The following CSMD3 variants were observed in gnomAD, a reference collection of about 807,000 sequenced individuals.
The protein encoded by CSMD3 is CUB and sushi domain-containing protein 3.
CSMD3 carries 177 observed loss-of-function variants against 435.2 expected under a neutral mutation model. The ratio of observed to expected loss-of-function variants is 0.41; its 90% confidence interval spans 0.36 to 0.46. The LOEUF is 0.46. Ranked by LOEUF, CSMD3 falls within the 20% of genes least tolerant of loss-of-function variation. The probability of loss-of-function intolerance (pLI) is 0.34; values close to 1 mark genes in which losing one functional copy is unlikely to be tolerated. For synonymous variants in CSMD3, 1,656 were observed against 1,520.5 expected (o/e 1.09, Z -2.07); for missense variants, 4,265 against 4,504.6 (o/e 0.95, Z 1.52).
intron 6 of CSMD3, among the ~76,000 whole-genome samples, chr8:112,996,870 AAT>A (rs1456613954): frequency 1.3e-5 from 2 of 151,664 alleles, no homozygotes; most frequent in African/African-American, 4.8e-5. Flanking sequence ...AAAATAGTAT[AAT>A]AAATAATAGT....
In CSMD3 at chr8:113,183,384, G is replaced by A. The variant is rs150980650; in HGVS notation, c.515-9468C>T. ...TAGGAATTAATTTATTTGATTCCAG[G>A]TTTTTTTTGGTGCCAAGGAACACTC... On this transcript the variant is annotated intron_variant, in intron 3 of 70. Coordinates refer to ENST00000297405, the MANE Select transcript of CSMD3 (RefSeq NM_198123.2). 2.5e-3 allele frequency among the ~76,000 whole-genome samples: 385 copies of A among 151,642 alleles called. 1 individual carries two copies. Among genetic ancestry groups the A allele is most frequent in the Non-Finnish European group, 4.4e-3 (299 of 67,860 alleles).
In CSMD3 at chr8:112,628,036, T is replaced by TA. The variant is rs1834634188; in HGVS notation, c.3715+8780dup. On this transcript the variant is annotated intron_variant, in intron 22 of 70. Coordinates refer to ENST00000297405, the MANE Select transcript of CSMD3 (RefSeq NM_198123.2). ...TGGCTGCGTTCTAAAAGGATGTCTG[T>TA]AAATTTGTTTGTCTACAAATCCCAA... Among the ~76,000 whole-genome samples the TA allele has an allele frequency of 2.0e-5, 3 of 152,320 alleles. No homozygotes were observed. In the South Asian group the frequency reaches 6.2e-4, roughly 32 times the overall value.
chr8:112,981,940 G>T (rs1185896033), intron 6 of CSMD3, among the ~76,000 whole-genome samples: 1 of 151,748 alleles, frequency 6.6e-6, no homozygotes, highest in Non-Finnish European at 1.5e-5. Flanking sequence ...TTTACCCTAA[G>T]AAGGAGAATG....
chr8:113,341,224 G>C (rs769085238), intron 1 of CSMD3, among the ~76,000 whole-genome samples: 4 of 151,980 alleles, frequency 2.6e-5, no homozygotes, highest in Non-Finnish European at 5.9e-5. Flanking sequence ...TGTATTCAAA[G>C]CCTCTCGTAG....
intron 1 of CSMD3, among the ~76,000 whole-genome samples, chr8:113,402,196 A>C (rs1171523655): frequency 1.3e-5 from 2 of 150,120 alleles, no homozygotes; most frequent in African/African-American, 4.9e-5. Context: ...TTTATCTTTT[A>C]TCTTAAATTT....
chr8:112,529,411 A>T, intron 27 of CSMD3, among the ~76,000 whole-genome samples: 1 of 152,104 alleles, frequency 6.6e-6, no homozygotes. Context: ...ATCATGGCAA[A>T]ACCACAACCC....
chr8:113,008,131 A>G (rs187214218), intron 6 of CSMD3, among the ~76,000 whole-genome samples: 1 of 151,968 alleles, frequency 6.6e-6, no homozygotes, highest in East Asian at 1.9e-4. Flanking sequence ...TTTTTAAATT[A>G]TTAACAGTCA....
At chr8:112,475,791 T>C (rs1475930940) in intron 31 of CSMD3, among the ~76,000 whole-genome samples, 2 of 152,164 alleles carry the variant, frequency 1.3e-5, no homozygotes, top group Non-Finnish European at 2.9e-5. Context: ...TCTTATTGGC[T>C]AATGGAGAAA....
At chr8:113,373,885 T>C (rs1280086766) in intron 1 of CSMD3, among the ~76,000 whole-genome samples, 6 of 152,146 alleles carry the variant, frequency 3.9e-5, no homozygotes, top group Non-Finnish European at 1.5e-5. Flanking sequence ...ATATTCTTTA[T>C]ATCTCAATTT....
At chr8:113,182,123 T>C (rs2092429812) in intron 3 of CSMD3, among the ~76,000 whole-genome samples, 1 of 152,006 alleles carries the variant, frequency 6.6e-6, no homozygotes, top group Non-Finnish European at 1.5e-5. Context: ...TGTTGAAACA[T>C]AACTCAAGTT....
At chr8:112,941,831 G>A (rs183650233) in intron 9 of CSMD3, among the ~76,000 whole-genome samples, 1 of 151,436 alleles carries the variant, frequency 6.6e-6, no homozygotes, top group Admixed American at 6.6e-5. Flanking sequence ...TAATCACAGA[G>A]AGTACAGAGG....
chr8:112,826,955 T>C (rs1332749292), intron 12 of CSMD3, among the ~76,000 whole-genome samples: 1 of 151,778 alleles, frequency 6.6e-6, no homozygotes, highest in Admixed American at 6.6e-5. Flanking sequence ...AATTGGTACA[T>C]CAGAATTCAT....
At chr8:112,754,726 T>G (rs2077650497) in intron 13 of CSMD3, among the ~76,000 whole-genome samples, 1 of 152,130 alleles carries the variant, frequency 6.6e-6, no homozygotes, top group African/African-American at 2.4e-5. Flanking sequence ...GCCTGAAACC[T>G]CTGGCAAACC....
chr8:112,498,541 C>A (rs1379872524), intron 30 of CSMD3, among the ~76,000 whole-genome samples: 1 of 151,992 alleles, frequency 6.6e-6, no homozygotes. Flanking sequence ...AAGGTCCTGA[C>A]CAGTTTCCAT....
chr8:112,763,036 GTAGATT>G (rs1011320376), intron 13 of CSMD3, among the ~76,000 whole-genome samples: 1 of 151,668 alleles, frequency 6.6e-6, no homozygotes, highest in African/African-American at 2.4e-5. Flanking sequence ...TGCTACGAGA[GTAGATT>G]TAAAGTGTTC....
intron 22 of CSMD3, among the ~76,000 whole-genome samples, chr8:112,608,639 ATATATG>A (rs1388446646): frequency 6.6e-6 from 1 of 151,974 alleles, no homozygotes; most frequent in Non-Finnish European, 1.5e-5. Flanking sequence ...TATATAATTT[ATATATG>A]TATATGTGTG....
intron 35 of CSMD3, among the ~76,000 whole-genome samples, chr8:112,396,924 AGCTATCT>A (rs1190397753): frequency 6.6e-6 from 1 of 152,196 alleles, no homozygotes; most frequent in Admixed American, 6.6e-5. Flanking sequence ...TGAGATAAAA[AGCTATCT>A]GTTCTAATCA....
intron 1 of CSMD3, among the ~76,000 whole-genome samples, chr8:113,385,282 C>A (rs972783226): frequency 6.6e-6 from 1 of 151,946 alleles, no homozygotes; most frequent in African/African-American, 2.4e-5. Flanking sequence ...AAACTTTACC[C>A]TAATACCCTA....
At chr8:112,879,414 ATGTG>A (rs1482124224) in intron 10 of CSMD3, among the ~76,000 whole-genome samples, 1 of 152,054 alleles carries the variant, frequency 6.6e-6, no homozygotes, top group Non-Finnish European at 1.5e-5. Context: ...ATCAATGACT[ATGTG>A]TGCCCAGTGG....
Sources: allele counts gnomAD v4.1 joint callset (sites outside exome capture counted in the v4.1 genomes callset), GRCh38; gene constraint gnomAD v4.1.1; transcripts MANE v1.5; gene names NCBI Gene and HGNC (gene_info 2026-07-23, HGNC 2026-07-21).